The following TBK1 variants were observed in gnomAD, a reference collection of about 807,000 sequenced individuals.
TBK1 encodes serine/threonine-protein kinase TBK1.
Under a neutral mutation model 99.9 loss-of-function variants are expected in TBK1, and 37 were observed. That is an observed-to-expected ratio of 0.37 (90% CI 0.28 to 0.49). The LOEUF is 0.49. Ranked by LOEUF, TBK1 falls within the 20% of genes least tolerant of loss-of-function variation. The pLI, the probability that TBK1 is intolerant of heterozygous loss-of-function variation, is 0.98. For synonymous variants in TBK1, 258 were observed against 279.8 expected, an observed-to-expected ratio of 0.92 and a Z score of 0.78; for missense variants, 644 against 872.5, an observed-to-expected ratio of 0.74 and a Z score of 3.30.
intron 13 of TBK1, 101 bp from the exon 14 acceptor site, chr12:64,495,382 A>G: frequency 7.1e-7 from 1 of 1,410,040 alleles, no homozygotes; most frequent in Non-Finnish European, 9.6e-7. Flanking sequence ...AATTGAAGTA[A>G]TCTACAAAAG....
At chr12:64,499,616 T>C (rs1372834575) in intron 20 of TBK1, among the ~76,000 whole-genome samples, 2 of 151,976 alleles carry the variant, frequency 1.3e-5, no homozygotes, top group Non-Finnish European at 2.9e-5. Flanking sequence ...TAGTATCCAG[T>C]TTACAGTTTC....
At chr12:64,453,742 G>T (rs994770303) in intron 1 of TBK1, among the ~76,000 whole-genome samples, 3 of 152,132 alleles carry the variant, frequency 2.0e-5, no homozygotes, top group African/African-American at 7.2e-5. Flanking sequence ...GGCATGGTGG[G>T]ACTAGTGTTT....
chr12:64,492,897 G>GTTTTT (rs539329815), intron 13 of TBK1, among the ~76,000 whole-genome samples: 1 of 113,682 alleles, frequency 8.8e-6, no homozygotes. Flanking sequence ...AATTTTGTTT[G>GTTTTT]TTTTTTTTTT....
At chr12:64,463,188 G>A (rs1279317776) in intron 3 of TBK1, among the ~76,000 whole-genome samples, 1 of 151,706 alleles carries the variant, frequency 6.6e-6, no homozygotes, top group Admixed American at 6.6e-5. Context: ...TGGCTAACAT[G>A]GTGAAACCCC....
intron 4 of TBK1, among the ~76,000 whole-genome samples, chr12:64,465,242 C>CAGAAAA (rs2040589997): frequency 1.7e-5 from 1 of 57,918 alleles, no homozygotes; most frequent in Non-Finnish European, 2.9e-5. Flanking sequence ...AAGACTATCT[C>CAGAAAA]AAAAAAAAAA....
chr12:64,496,715 G>A lies in TBK1; in HGVS notation c.1761-234G>A, dbSNP rs79847534. On this transcript the variant is annotated intron_variant, in intron 16 of 20. Transcript: ENST00000331710. Reference sequence around the variant, plus strand: ...ATAGGCAAGGGCAGACTTAACTACCGTCTTAATTTTAACCGCATTCAATAG... The same window carrying A: ...ATAGGCAAGGGCAGACTTAACTACCATCTTAATTTTAACCGCATTCAATAG... Among the ~76,000 whole-genome samples, 155 of 152,196 alleles carry A rather than the reference G, an allele frequency of 1.0e-3. 1 individual carries two copies. The East Asian group carries it at 0.024, about 24-fold the overall frequency.
chr12:64,497,532 T>A, intron 18 of TBK1, 116 bp from the exon 19 acceptor site: 1 of 702,848 alleles, frequency 1.4e-6, no homozygotes, highest in Non-Finnish European at 2.2e-6. Flanking sequence ...AAATTTAAAG[T>A]TTTTTTAAAG....
chr12:64,462,679 T>G (rs1455719849), intron 3 of TBK1, among the ~76,000 whole-genome samples: 1 of 152,062 alleles, frequency 6.6e-6, no homozygotes, highest in African/African-American at 2.4e-5. Flanking sequence ...GTTTTGGAGA[T>G]ATGTAGAAAA....
At chr12:64,453,259 A>G (rs542788043) in intron 1 of TBK1, among the ~76,000 whole-genome samples, 7 of 152,370 alleles carry the variant, frequency 4.6e-5, no homozygotes, top group South Asian at 2.1e-4. Context: ...TTGTATTTGC[A>G]TAGAGAACAG....
chr12:64,460,092 G>C (rs2040529784), intron 2 of TBK1, 97 bp from the exon 3 acceptor site: 1 of 794,834 alleles, frequency 1.3e-6, no homozygotes, highest in South Asian at 3.9e-5. Flanking sequence ...ATGATGTTCT[G>C]TAAGAAAATA....
At chr12:64,490,192 T>C (rs2040856106) in intron 13 of TBK1, 73 bp downstream of exon 13, 1 of 1,126,464 alleles carries the variant, frequency 8.9e-7, no homozygotes, top group Non-Finnish European at 1.3e-6. Context: ...AGATTTAAAC[T>C]TTCTTAGGAG....
chr12:64,488,574 A>G lies in TBK1; in HGVS notation c.1428A>G (p.Glu476=). 1 of 1,598,040 alleles carries G rather than the reference A, an allele frequency of 6.3e-7. No homozygotes were observed. The highest frequency in any genetic ancestry group is 8.5e-7 in the Non-Finnish European group (1 of 1,172,904). ...TGGATTTCTGTATCAGAAACATTGA[A>G]AAAACTGTGAAAGTGTGAGTAGACT... is the stretch of plus-strand genomic sequence containing the variant. The part of the protein sequence containing the change: ...ITLDFCIRNI[E]KTVKVYEKLM... The change falls in exon 12 of 21, where the codon GAA becomes GAG. Residue 476 remains glutamate (E), a synonymous_variant. Coordinates refer to ENST00000331710, the MANE Select transcript of TBK1 (RefSeq NM_013254.4).
intron 6 of TBK1, among the ~76,000 whole-genome samples, chr12:64,477,545 T>G (rs1436400421): frequency 2.0e-5 from 3 of 152,162 alleles, no homozygotes; most frequent in Non-Finnish European, 4.4e-5. Context: ...GGTCTAGGAG[T>G]CTTTTGGCAA....
rs1003076282 is a variant in TBK1 at position 64,452,202 on chromosome 12, C to A, written c.-32+15C>A. The A allele has an allele frequency of 2.0e-5, 3 of 152,434 alleles. No homozygotes were observed. The highest frequency in any genetic ancestry group is 4.8e-5 in the African/African-American group (2 of 41,446). The allele number at this position is 152,434 out of a possible 1,614,324, so 9.4% of individuals were successfully genotyped here. A position where few individuals can be genotyped will look rare whatever the true frequency, so the allele number is the denominator to read the frequency against. On this transcript the variant is annotated intron_variant, in intron 1 of 20. Transcript: ENST00000331710. The stretch of plus-strand genomic sequence containing the variant: ...GACCCGGCTGGGTAAGTGAGACGGC[C>A]GCGGGCTGAGGGGCCAAGGCGGCGC...
chr12:64,460,847 A>AG (rs2040541615), intron 3 of TBK1, among the ~76,000 whole-genome samples: 1 of 151,744 alleles, frequency 6.6e-6, no homozygotes, highest in East Asian at 1.9e-4. Flanking sequence ...AAAAAAAAAA[A>AG]AAAAGAAAGG....
chr12:64,463,270 G>C (rs1211278464), intron 3 of TBK1, among the ~76,000 whole-genome samples: 1 of 152,156 alleles, frequency 6.6e-6, no homozygotes, highest in Middle Eastern at 3.4e-3. Context: ...TATTCAGGAG[G>C]CTGAGGCAGG....
chr12:64,465,242 CAAAAAAAAAAAAA>C (rs57575805), intron 4 of TBK1, among the ~76,000 whole-genome samples: 1 of 57,918 alleles, frequency 1.7e-5, no homozygotes, highest in African/African-American at 7.9e-5. Context: ...AAGACTATCT[CAAAAAAAAAAAAA>C]AAAAAAAAAC....
chr12:64,485,368 A>G, intron 9 of TBK1, 87 bp from the exon 10 acceptor site: 3 of 573,938 alleles, frequency 5.2e-6, no homozygotes, highest in Non-Finnish European at 8.8e-6. Flanking sequence ...ACTAATGTTT[A>G]ATTTAGACAT....
At chr12:64,485,340 T>C (rs1277389834) in intron 9 of TBK1, 115 bp from the exon 10 acceptor site, 1 of 487,782 alleles carries the variant, frequency 2.1e-6, no homozygotes. Context: ...TCACGAAAAC[T>C]ACATTACAGA....
Sources: gnomAD v4.1 joint callset for allele counts (sites outside exome capture counted in the v4.1 genomes callset) on GRCh38, gnomAD v4.1.1 for gene constraint, MANE v1.5 for transcripts, NCBI Gene and HGNC (gene_info 2026-07-23, HGNC 2026-07-21) for gene names.